The following DST variants were observed in gnomAD, a reference collection of about 807,000 sequenced individuals.
DST encodes dystonin.
A neutral mutation model predicts 875.2 loss-of-function variants in DST; 253 were observed. The ratio of observed to expected loss-of-function variants is 0.29; its 90% CI spans 0.26 to 0.32. The LOEUF is 0.32. DST is among the 10% of genes least tolerant of loss of function. The probability of loss-of-function intolerance (pLI) is 1.00; values close to 1 mark genes in which losing one functional copy is unlikely to be tolerated. For missense variants in DST, 8,287 were observed against 9,111.6 expected (o/e 0.91, Z 3.68); for synonymous variants, 3,124 against 3,197.1 (o/e 0.98, Z 0.77).
intron 3 of DST, among the ~76,000 whole-genome samples, chr6:56,857,158 C>G (rs1014772488): frequency 6.6e-6 from 1 of 151,980 alleles, no homozygotes; most frequent in African/African-American, 2.4e-5. Context: ...TCTACAGGCA[C>G]ATGCTACCAC....
intron 5 of DST, among the ~76,000 whole-genome samples, chr6:56,705,658 C>T (rs1355559953): frequency 6.6e-6 from 1 of 152,204 alleles, no homozygotes; most frequent in African/African-American, 2.4e-5. Flanking sequence ...CCAGCTTTTA[C>T]ATCCAGTGTT....
At chr6:56,901,671 A>G (rs867759686) in intron 2 of DST, among the ~76,000 whole-genome samples, 1 of 151,858 alleles carries the variant, frequency 6.6e-6, no homozygotes, top group Middle Eastern at 3.4e-3. Context: ...CTGTGTGTGT[A>G]TATATATATA....
rs988194669 is a variant in DST at position 56,615,132 on chromosome 6, T to C, written c.4930-648A>G. Reference sequence around the variant, plus strand: ...TTCTCTTTGATTCCATGGTGCTTCATGACGTGCTCTTTCAGCGAGTGCAAT... The same window carrying C: ...TTCTCTTTGATTCCATGGTGCTTCACGACGTGCTCTTTCAGCGAGTGCAAT... On this transcript the variant is annotated intron_variant, in intron 36 of 103. Transcript: ENST00000680361. The C allele has an allele frequency of 3.9e-5, 42 of 1,063,836 alleles. No homozygotes were observed. In the African/African-American group the frequency reaches 6.9e-4, roughly 18 times the overall value. 65.9% of individuals were successfully genotyped at this position (1,063,836 alleles called of 1,614,324 possible). A position where few individuals can be genotyped will look rare whatever the true frequency, so the allele number is the denominator to read the frequency against.
chr6:56,562,433 ATAAAT>A (rs746319316), intron 55 of DST, among the ~76,000 whole-genome samples: 1 of 151,990 alleles, frequency 6.6e-6, no homozygotes, highest in Non-Finnish European at 1.5e-5. Flanking sequence ...TTTATATTAT[ATAAAT>A]TAATCATTAA....
intron 4 of DST, among the ~76,000 whole-genome samples, chr6:56,783,816 G>C (rs1199183275): frequency 2.0e-5 from 3 of 152,166 alleles, no homozygotes; most frequent in Non-Finnish European, 4.4e-5. Flanking sequence ...TTTCTTCCTA[G>C]TCTCAATGGT....
At chr6:56,588,220 C>A (rs1466810306) in intron 49 of DST, among the ~76,000 whole-genome samples, 1 of 152,186 alleles carries the variant, frequency 6.6e-6, no homozygotes, top group Non-Finnish European at 1.5e-5. Flanking sequence ...CCAATGAAAT[C>A]TATTCCCTAA....
chr6:56,620,552 A>G, intron 36 of DST: 1 of 1,613,984 alleles, frequency 6.2e-7, no homozygotes, highest in Non-Finnish European at 8.5e-7. Context: ...GACCTTCGGA[A>G]GTTCTTCCTC....
At chr6:56,569,256 C>G (rs2097735694) in intron 54 of DST, among the ~76,000 whole-genome samples, 1 of 145,396 alleles carries the variant, frequency 6.9e-6, no homozygotes, top group South Asian at 2.2e-4. Context: ...ACCCAGGAGG[C>G]AGAGCTTGCA....
At chr6:56,581,768 G>A (rs559431706) in intron 49 of DST, among the ~76,000 whole-genome samples, 2 of 152,320 alleles carry the variant, frequency 1.3e-5, no homozygotes, top group African/African-American at 4.8e-5. Flanking sequence ...CCTTGGCCAT[G>A]GGCCTAGCTT....
At chr6:56,510,095 G>A (rs1048227835) in intron 73 of DST, among the ~76,000 whole-genome samples, 4 of 152,090 alleles carry the variant, frequency 2.6e-5, no homozygotes, top group Non-Finnish European at 5.9e-5. Context: ...ATGTACAATA[G>A]ACTTAGTTTC....
chr6:56,823,411 A>AT (rs547584592), intron 4 of DST, among the ~76,000 whole-genome samples: 11 of 151,356 alleles, frequency 7.3e-5, no homozygotes, highest in South Asian at 4.2e-4. Context: ...AATGTGTATA[A>AT]TTTTTTTTTG....
At chr6:56,871,156 C>G in intron 3 of DST, 1 of 685,574 alleles carries the variant, frequency 1.5e-6, no homozygotes. Context: ...GGGGCTCTTC[C>G]TCTTCCCCTA....
At chr6:56,618,701 T>G (rs761638977) in intron 36 of DST, 11 of 1,613,910 alleles carry the variant, frequency 6.8e-6, no homozygotes, top group Non-Finnish European at 4.2e-6. Flanking sequence ...AGACACAAAG[T>G]CAAGCCTAAT....
chr6:56,942,287 A>G (rs1236343313), intron 2 of DST, among the ~76,000 whole-genome samples: 1 of 152,134 alleles, frequency 6.6e-6, no homozygotes, highest in Non-Finnish European at 1.5e-5. Context: ...ATGTCTCATA[A>G]TTGGAGTGTT....
intron 55 of DST, among the ~76,000 whole-genome samples, chr6:56,567,556 T>TA (rs1192252248): frequency 3.6e-4 from 54 of 148,632 alleles, no homozygotes; most frequent in South Asian, 6.4e-4. Flanking sequence ...TTCCTCTTCT[T>TA]AAAAAAAAAA....
At position 56,608,737 on chromosome 6, in the gene DST, C is replaced by T. The variant is rs1281042446; in HGVS notation, c.5891G>A (p.Gly1964Glu). 3 of 1,610,204 alleles carry T rather than the reference C, an allele frequency of 1.9e-6. No individual in the cohort carries two copies. Among genetic ancestry groups the T allele is most frequent in the East Asian group, 2.2e-5 (1 of 44,746 alleles). Reference protein sequence around the residue: ...QEGGRITLKCGRNISILRAAH... With the variant: ...QEGGRITLKCERNISILRAAH... ...TGCTCTTAAAATGCTTATGTTTCTT[C>T]CACATTTTAATGTTATTCTACCTCC... The change falls in exon 40 of 104, where the codon GGA becomes GAA. Residue 1964 changes from glycine to glutamate, a missense_variant. Around this residue, in one of 10 missense-constraint regions of DST, gnomAD observed 3,138 missense variants for 3,116.6 expected, o/e 1.01. Coordinates refer to ENST00000680361, the MANE Select transcript of DST (RefSeq NM_001374736.1).
intron 84 of DST, 89 bp from the exon 85 acceptor site, chr6:56,492,522 T>A: frequency 3.0e-6 from 4 of 1,322,388 alleles, no homozygotes; most frequent in Non-Finnish European, 3.2e-6. Context: ...CTGAAATTAT[T>A]TTAAAGGACA....
chr6:56,619,360 G>T, intron 36 of DST: 1 of 1,613,438 alleles, frequency 6.2e-7, no homozygotes, highest in Non-Finnish European at 8.5e-7. Flanking sequence ...ATTCTTCATT[G>T]AGCCTTTGGA....
At chr6:56,941,307 T>A (rs1816422323) in intron 2 of DST, among the ~76,000 whole-genome samples, 1 of 152,212 alleles carries the variant, frequency 6.6e-6, no homozygotes, top group Admixed American at 6.5e-5. Flanking sequence ...GATACATGAA[T>A]TATTTAGAAG....
Sources: allele counts gnomAD v4.1 joint callset (sites outside exome capture counted in the v4.1 genomes callset), GRCh38; gene constraint gnomAD v4.1.1; regional missense constraint gnomAD v4.1.1; transcripts MANE v1.5; gene names NCBI Gene and HGNC (gene_info 2026-07-23, HGNC 2026-07-21).